Variants in C1QTNF9B observed in about 807,000 individuals in gnomAD.
C1QTNF9B encodes complement C1q and tumor necrosis factor-related protein 9B.
In C1QTNF9B, 9 loss-of-function variants were observed where a neutral mutation model predicts 10.1. The ratio of observed to expected loss-of-function variants is 0.89; its 90% CI spans 0.53 to 1.55. C1QTNF9B has a LOEUF of 1.55. C1QTNF9B is among the 40% of genes most tolerant of loss of function. The pLI is 0.00. For synonymous variants in C1QTNF9B, 79 were observed against 159.9 expected, an observed-to-expected ratio of 0.49 and a Z score of 3.82; for missense variants, 196 against 414.4, an observed-to-expected ratio of 0.47 and a Z score of 4.58.
chr13:23,894,314 C>G (rs540628930), intron 1 of C1QTNF9B, 113 bp from the exon 4 acceptor site: 24 of 1,012,412 alleles, frequency 2.4e-5, no homozygotes, highest in African/African-American at 1.1e-4. Flanking sequence ...CCCGCCCTGA[C>G]GGGCACTCTG....
intron 1 of C1QTNF9B, among the ~76,000 whole-genome samples, chr13:23,894,831 C>T (rs1331702576): frequency 1.3e-5 from 2 of 152,152 alleles, no homozygotes. Context: ...CCCCTGAGCT[C>T]CAGGTCGGCG....
chr13:23,896,415 G>A (rs1977381), intron 1 of C1QTNF9B, among the ~76,000 whole-genome samples: 57,299 of 152,116 alleles, frequency 0.38, 10,943 homozygotes, highest in East Asian at 0.46. Flanking sequence ...CTGCAGCTGG[G>A]TGCTTGCTGC....
exon 3 of C1QTNF9B, chr13:23,891,134 G>C (rs1871896384): frequency 1.4e-6 from 1 of 720,250 alleles, no homozygotes; most frequent in African/African-American, 1.8e-5. Flanking sequence ...AAAATAGTAA[G>C]TTACATAGAA....
intron 1 of C1QTNF9B, chr13:23,894,768 A>C (rs1444882830): frequency 2.5e-6 from 1 of 399,418 alleles, no homozygotes; most frequent in East Asian, 7.2e-5. Flanking sequence ...AGAGAACATC[A>C]GGTGAGTGGG....
At chr13:23,892,466 G>A (rs940622008) in intron 2 of C1QTNF9B, among the ~76,000 whole-genome samples, 3 of 152,108 alleles carry the variant, frequency 2.0e-5, no homozygotes, top group African/African-American at 7.2e-5. Flanking sequence ...ATCAGGCTAG[G>A]CAACATGGCA....
At chr13:23,893,411 C>T (rs1872085321) in intron 2 of C1QTNF9B, among the ~76,000 whole-genome samples, 1 of 152,192 alleles carries the variant, frequency 6.6e-6, no homozygotes, top group Admixed American at 6.5e-5. Flanking sequence ...AAACTACAGC[C>T]ACAGGCCAAA....
exon 3 of C1QTNF9B, chr13:23,891,243 A>G (rs1242186089): frequency 7.0e-7 from 1 of 1,435,440 alleles, no homozygotes. Flanking sequence ...GTTCATCCCA[A>G]GCTGATTCTG....
At chr13:23,891,436 G>A in exon 3 of C1QTNF9B, 1 of 1,582,006 alleles carries the variant, frequency 6.3e-7, no homozygotes, top group Non-Finnish European at 8.7e-7. Context: ...CAGAGGCCTG[G>A]TCCTCAGAGC....
At chr13:23,896,863 T>G in exon 1 of C1QTNF9B, 1 of 1,613,942 alleles carries the variant, frequency 6.2e-7, no homozygotes, top group Non-Finnish European at 8.5e-7. Flanking sequence ...CGTCCATCTC[T>G]TCCAGGCAGA....
intron 1 of C1QTNF9B, chr13:23,894,787 G>A: frequency 2.6e-6 from 1 of 385,052 alleles, no homozygotes; most frequent in South Asian, 1.9e-5. Flanking sequence ...GGGCTCTGCT[G>A]ACTACACTCA....
At chr13:23,896,117 G>A (rs1373482546) in intron 1 of C1QTNF9B, among the ~76,000 whole-genome samples, 1 of 152,206 alleles carries the variant, frequency 6.6e-6, no homozygotes, top group African/African-American at 2.4e-5. Context: ...ACTGAACTGT[G>A]CTCTTAACCC....
At chr13:23,896,938 T>C in exon 1 of C1QTNF9B, 2 of 1,614,066 alleles carry the variant, frequency 1.2e-6, no homozygotes, top group Non-Finnish European at 1.7e-6. Context: ...TGTGAGTTTA[T>C]GTTCCCTGTG....
Position 23,894,202 on chromosome 13 carries a change from C to T in C1QTNF9B, c.167-1G>A, listed in dbSNP as rs1252288782. Reference sequence around the variant, plus strand: ...GGGCTGCCAGGACATCCTGGTTCTCCTAGGTGGAAAAGCAGAAAACAGGCA... The same window carrying T: ...GGGCTGCCAGGACATCCTGGTTCTCTTAGGTGGAAAAGCAGAAAACAGGCA... On this transcript the variant is annotated splice_acceptor_variant, in intron 1 of 2. Transcript: ENST00000382137. LOFTEE classifies it high-confidence loss of function. 4 of 1,489,362 alleles carry T rather than the reference C, an allele frequency of 2.7e-6. No individual in the cohort carries two copies. The highest frequency in any genetic ancestry group is 1.9e-6 in the Non-Finnish European group (2 of 1,074,168). The allele number at this position is 1,489,362 out of a possible 1,614,324, so 92.3% of individuals were successfully genotyped here. A position where few individuals can be genotyped will look rare whatever the true frequency, so the allele number is the denominator to read the frequency against.
At chr13:23,895,444 A>C (rs1368439256) in intron 1 of C1QTNF9B, among the ~76,000 whole-genome samples, 3 of 152,190 alleles carry the variant, frequency 2.0e-5, no homozygotes, top group Non-Finnish European at 4.4e-5. Context: ...AGTGTGAGCA[A>C]TGTGATTGAA....
chr13:23,895,112 T>C (rs1170929581), intron 1 of C1QTNF9B, among the ~76,000 whole-genome samples: 1 of 152,122 alleles, frequency 6.6e-6, no homozygotes, highest in Non-Finnish European at 1.5e-5. Context: ...GTGGGACCTC[T>C]GAATGGAGGG....
intron 1 of C1QTNF9B, among the ~76,000 whole-genome samples, chr13:23,896,457 C>G (rs1236782777): frequency 6.6e-6 from 1 of 152,204 alleles, no homozygotes; most frequent in Non-Finnish European, 1.5e-5. Context: ...TCTCTATTGG[C>G]CTCGTGTTGC....
chr13:23,892,341 A>T (rs1241973115), intron 2 of C1QTNF9B, among the ~76,000 whole-genome samples: 2 of 151,588 alleles, frequency 1.3e-5, no homozygotes, highest in African/African-American at 4.9e-5. Flanking sequence ...TAAAAATAAT[A>T]AAAAAATAAG....
At chr13:23,896,788 G>A (rs752836979) in intron 1 of C1QTNF9B, 33 bp downstream of exon 3, 28 of 1,612,118 alleles carry the variant, frequency 1.7e-5, no homozygotes, top group African/African-American at 8.0e-5. Context: ...GAAGAGAGAA[G>A]CTCAAAGGCA....
At chr13:23,894,226 C>T in intron 1 of C1QTNF9B, 25 bp from the exon 4 acceptor site, 2 of 1,464,246 alleles carry the variant, frequency 1.4e-6, no homozygotes, top group Non-Finnish European at 1.9e-6. Flanking sequence ...AGAAAACAGG[C>T]ATGAGTTGAA....
Sources: gnomAD v4.1 joint callset for allele counts (sites outside exome capture counted in the v4.1 genomes callset) on GRCh38, gnomAD v4.1.1 for gene constraint, MANE v1.5 for transcripts, NCBI Gene and HGNC (gene_info 2026-07-23, HGNC 2026-07-21) for gene names.